Variants in PRKCH observed in about 807,000 individuals in gnomAD.
PRKCH encodes the protein protein kinase C eta type.
PRKCH carries 28 observed loss-of-function variants against 82.5 expected under a neutral mutation model. The observed-to-expected ratio is 0.34, with a 90% CI of 0.25 to 0.47. PRKCH has a LOEUF of 0.47. PRKCH is among the 20% of genes least tolerant of loss of function. The probability of loss-of-function intolerance (pLI) is 1.00; values close to 1 mark genes in which losing one functional copy is unlikely to be tolerated. For missense variants in PRKCH, 705 were observed against 881.8 expected (o/e 0.80, Z 2.54); for synonymous variants, 322 against 327.4 (o/e 0.98, Z 0.18).
intron 12 of PRKCH, among the ~76,000 whole-genome samples, chr14:61,531,477 T>C (rs552681505): frequency 6.6e-6 from 1 of 152,212 alleles, no homozygotes; most frequent in African/African-American, 2.4e-5. Context: ...GTGGGAAATA[T>C]TTGCTATCTT....
chr14:61,465,264 T>C (rs970026113), intron 9 of PRKCH, among the ~76,000 whole-genome samples: 2 of 152,244 alleles, frequency 1.3e-5, no homozygotes, highest in East Asian at 3.8e-4. Context: ...TTGTTGCCTG[T>C]GCTTTTACGG....
chr14:61,459,906 C>T (rs1247572359), intron 9 of PRKCH, among the ~76,000 whole-genome samples: 1 of 152,156 alleles, frequency 6.6e-6, no homozygotes. Context: ...AGTGCAGTGA[C>T]GGTTATGGCT....
intron 1 of PRKCH, among the ~76,000 whole-genome samples, chr14:61,235,607 A>G (rs1223593515): frequency 2.0e-5 from 3 of 152,250 alleles, no homozygotes; most frequent in Non-Finnish European, 2.9e-5. Flanking sequence ...CCAGTCAGAT[A>G]CAATGGCCAT....
At chr14:61,247,978 A>G (rs920957138) in intron 1 of PRKCH, among the ~76,000 whole-genome samples, 1 of 152,176 alleles carries the variant, frequency 6.6e-6, no homozygotes, top group South Asian at 2.1e-4. Context: ...AGGATACTCC[A>G]TCAACTTGGA....
At chr14:61,525,314 C>T (rs1111108) in intron 10 of PRKCH, 149,712 of 152,316 alleles carry the variant, frequency 0.98, 73,623 homozygotes, top group East Asian at 1. Context: ...CCAGTTTGAG[C>T]GATCTGTCTT....
At chr14:61,404,305 C>A (rs548411923) in intron 2 of PRKCH, among the ~76,000 whole-genome samples, 33 of 152,212 alleles carry the variant, frequency 2.2e-4, no homozygotes, top group African/African-American at 7.7e-4. Context: ...ATGTAAGAGA[C>A]CACCTTATAT....
rs79457499 is a variant in PRKCH at position 61,283,654 on chromosome 14, C to T, written c.-19+95986C>T. Among the ~76,000 whole-genome samples the T allele has an allele frequency of 6.0e-4, 91 of 152,194 alleles. 1 individual carries two copies. In the East Asian group the frequency reaches 0.014, roughly 24 times the overall value. On this transcript the variant is annotated intron_variant, in intron 1 of 3. Coordinates refer to the PRKCH transcript ENST00000555185. Reference sequence around the variant, plus strand: ...TTGAGCCCAGCAGTTTGAGACTAGCCTGGGCAATATAACGAGATCTTGTTT... The same window carrying T: ...TTGAGCCCAGCAGTTTGAGACTAGCTTGGGCAATATAACGAGATCTTGTTT...
chr14:61,209,014 AAT>A (rs1286918599), intron 1 of PRKCH, among the ~76,000 whole-genome samples: 1 of 152,150 alleles, frequency 6.6e-6, no homozygotes, highest in Non-Finnish European at 1.5e-5. Context: ...GAGTTGATTA[AAT>A]CATGCATGCT....
chr14:61,276,425 G>A (rs1349074660), intron 1 of PRKCH, among the ~76,000 whole-genome samples: 1 of 151,038 alleles, frequency 6.6e-6, no homozygotes, highest in Admixed American at 6.6e-5. Context: ...GCATGATCTC[G>A]GCTTACTGCA....
At chr14:61,491,971 A>T (rs1170677512) in intron 10 of PRKCH, among the ~76,000 whole-genome samples, 1 of 152,248 alleles carries the variant, frequency 6.6e-6, no homozygotes, top group Non-Finnish European at 1.5e-5. Flanking sequence ...GGGTGATTCT[A>T]TCCAGTTAGG....
chr14:61,432,080 T>C (rs1360025166), intron 2 of PRKCH, among the ~76,000 whole-genome samples: 1 of 151,730 alleles, frequency 6.6e-6, no homozygotes, highest in African/African-American at 2.4e-5. Context: ...TTTTTTTTTT[T>C]TTAAGTGATT....
upstream of PRKCH, among the ~76,000 whole-genome samples, chr14:61,319,297 T>C (rs1346550567): frequency 6.6e-6 from 1 of 152,170 alleles, no homozygotes; most frequent in Admixed American, 6.5e-5. Context: ...AAGGAACCCT[T>C]CCCTGACCAC....
chr14:61,402,109 A>G (rs1454556177), intron 2 of PRKCH, among the ~76,000 whole-genome samples: 1 of 152,230 alleles, frequency 6.6e-6, no homozygotes, highest in Non-Finnish European at 1.5e-5. Context: ...GTTTGTTGTT[A>G]TTAACGATTG....
intron 12 of PRKCH, among the ~76,000 whole-genome samples, chr14:61,538,076 A>G (rs532959320): frequency 6.6e-6 from 1 of 152,242 alleles, no homozygotes; most frequent in Non-Finnish European, 1.5e-5. Context: ...GAAGCCAGCA[A>G]AGGTGGTCAG....
chr14:61,337,277 G>A (rs2045871766), intron 1 of PRKCH, among the ~76,000 whole-genome samples: 1 of 151,688 alleles, frequency 6.6e-6, no homozygotes, highest in Non-Finnish European at 1.5e-5. Flanking sequence ...CTGAGTAACT[G>A]GGACCATAGG....
chr14:61,520,015 A>G (rs1193047212), intron 10 of PRKCH, among the ~76,000 whole-genome samples: 1 of 151,340 alleles, frequency 6.6e-6, no homozygotes. Context: ...ACTCTGACCA[A>G]TGGGTCCTTT....
intron 1 of PRKCH, among the ~76,000 whole-genome samples, chr14:61,210,131 T>C (rs760078353): frequency 2.8e-5 from 1 of 35,570 alleles, no homozygotes; most frequent in South Asian, 1.0e-3. Context: ...TATATATATA[T>C]ATATATATAT....
At chr14:61,363,104 A>G (rs1349210997) in intron 1 of PRKCH, among the ~76,000 whole-genome samples, 1 of 152,242 alleles carries the variant, frequency 6.6e-6, no homozygotes, top group African/African-American at 2.4e-5. Context: ...CAGTCTGTGT[A>G]TGCTTGCAAG....
chr14:61,392,908 T>C (rs1203793512), intron 2 of PRKCH, among the ~76,000 whole-genome samples: 3 of 152,174 alleles, frequency 2.0e-5, no homozygotes, highest in Admixed American at 1.3e-4. Flanking sequence ...CCTTCTTAAA[T>C]TGATATTTGT....
Sources: allele counts gnomAD v4.1 joint callset (sites outside exome capture counted in the v4.1 genomes callset), GRCh38; gene constraint gnomAD v4.1.1; transcripts MANE v1.5; gene names NCBI Gene and HGNC (gene_info 2026-07-23, HGNC 2026-07-21).